Variants in EXT2 observed in about 807,000 individuals in gnomAD.
EXT2 encodes exostosin glycosyltransferase 2.
Under a neutral mutation model 81.6 loss-of-function variants are expected in EXT2, and 53 were observed. The ratio of observed to expected loss-of-function variants is 0.65; its 90% CI spans 0.52 to 0.82. The LOEUF is 0.82. Among genes scored for constraint, EXT2 ranks in the 40% least tolerant of loss-of-function variants. The probability of loss-of-function intolerance (pLI) is 0.00; values close to 1 mark genes in which losing one functional copy is unlikely to be tolerated. For synonymous variants in EXT2, 320 were observed against 340.0 expected (o/e 0.94, Z 0.65); for missense variants, 774 against 910.2 (o/e 0.85, Z 1.93).
In EXT2 at chr11:44,247,459, C is replaced by G. The variant is rs1361464354; in HGVS notation, c.*3172C>G. On this transcript the variant is annotated 3_prime_UTR_variant, in exon 14 of 14. Coordinates refer to ENST00000533608, the MANE Select transcript of EXT2 (RefSeq NM_207122.2). ...TAGAGGCAGGGTTTCACCACGTTAG[C>G]CAGGCTGGTCTCGAACTCCTGACCT... Among the ~76,000 whole-genome samples, 4 of 152,094 alleles carry G rather than the reference C, an allele frequency of 2.6e-5. No homozygotes were observed. Among genetic ancestry groups the G allele is most frequent in the Non-Finnish European group, 2.9e-5 (2 of 68,010 alleles).
intron 7 of EXT2, among the ~76,000 whole-genome samples, chr11:44,161,681 CT>C (rs1368317368): frequency 3.3e-5 from 5 of 152,142 alleles, no homozygotes; most frequent in Admixed American, 2.0e-4. Flanking sequence ...GGAGCATAGA[CT>C]ATGGGATGGG....
At chr11:44,209,483 G>A (rs951664626) in intron 10 of EXT2, among the ~76,000 whole-genome samples, 1 of 152,170 alleles carries the variant, frequency 6.6e-6, no homozygotes, top group African/African-American at 2.4e-5. Flanking sequence ...TTGAAGAAGG[G>A]ACTCAGTTTA....
rs1408989929 is a variant in EXT2 at position 44,244,478 on chromosome 11, G to A, written c.*191G>A. On this transcript the variant is annotated 3_prime_UTR_variant, in exon 14 of 14. Coordinates refer to ENST00000533608, the MANE Select transcript of EXT2 (RefSeq NM_207122.2). Reference sequence around the variant, plus strand: ...TGAATATCCAAGCACCTCGAGCTATGCAACCTCTGTTCTTGTATTTCTTAT... The same window carrying A: ...TGAATATCCAAGCACCTCGAGCTATACAACCTCTGTTCTTGTATTTCTTAT... 15 of 608,342 alleles carry A rather than the reference G, an allele frequency of 2.5e-5. No homozygotes were observed. Among genetic ancestry groups the A allele is most frequent in the Admixed American group, 1.6e-4 (6 of 36,798 alleles). 37.7% of individuals were successfully genotyped at this position (608,342 alleles called of 1,614,324 possible).
intron 13 of EXT2, 120 bp from the exon 14 acceptor site, chr11:44,244,029 G>A: frequency 1.1e-6 from 1 of 936,270 alleles, no homozygotes; most frequent in South Asian, 1.3e-5. Flanking sequence ...TGTTGATGTT[G>A]AACATTATGT....
At chr11:44,206,569 T>A (rs935858692) in intron 9 of EXT2, among the ~76,000 whole-genome samples, 2 of 152,116 alleles carry the variant, frequency 1.3e-5, no homozygotes, top group Admixed American at 1.3e-4. Flanking sequence ...GTATATAGTA[T>A]GTGTGTATAT....
At chr11:44,175,699 A>G (rs1409683790) in intron 8 of EXT2, among the ~76,000 whole-genome samples, 2 of 152,142 alleles carry the variant, frequency 1.3e-5, no homozygotes, top group Non-Finnish European at 2.9e-5. Flanking sequence ...TAAGCACCTT[A>G]AGGTCATTTC....
At chr11:44,170,559 C>CTCTA (rs1261686579) in intron 7 of EXT2, among the ~76,000 whole-genome samples, 1 of 151,988 alleles carries the variant, frequency 6.6e-6, no homozygotes, top group Non-Finnish European at 1.5e-5. Context: ...ATTGATAAAG[C>CTCTA]TCTACTAAGA....
intron 13 of EXT2, among the ~76,000 whole-genome samples, chr11:44,237,564 T>A (rs1344995795): frequency 6.6e-6 from 1 of 152,134 alleles, no homozygotes; most frequent in Non-Finnish European, 1.5e-5. Flanking sequence ...TATTTAAACC[T>A]ACCCCATTGT....
rs2135284606 is a variant in EXT2, at chr11:44,244,371, T to A, written c.*84T>A. ...TCCCAGCACTCTGATGTCAGAGTAG[T>A]AGGTTAAGGGTGGAAGGTTGACCTA... On this transcript the variant is annotated 3_prime_UTR_variant, in exon 14 of 14. Transcript: ENST00000533608. The A allele has an allele frequency of 6.7e-7, 1 of 1,502,380 alleles. No individual in the cohort carries two copies. Among genetic ancestry groups the A allele is most frequent in the Non-Finnish European group, 9.3e-7 (1 of 1,080,258 alleles). 93.1% of individuals were successfully genotyped at this position (1,502,380 alleles called of 1,614,324 possible).
At chr11:44,218,274 A>G (rs989344195) in intron 10 of EXT2, among the ~76,000 whole-genome samples, 2 of 152,186 alleles carry the variant, frequency 1.3e-5, no homozygotes, top group Non-Finnish European at 2.9e-5. Context: ...TTCCTGATGC[A>G]GGAAGCACCA....
intron 7 of EXT2, among the ~76,000 whole-genome samples, chr11:44,149,488 T>C (rs1339185031): frequency 1.3e-5 from 2 of 152,218 alleles, no homozygotes; most frequent in African/African-American, 4.8e-5. Context: ...GAATCAACCA[T>C]GTAATCCAAT....
Position 44,220,933 on chromosome 11 carries a change from A to G in EXT2, c.1663-11420A>G, listed in dbSNP as rs1186343261. ...AACAAATGTTAAGGGAAGGAAATCA[A>G]ATATGTTTGCTGAACATTGAAATAA... is the stretch of plus-strand genomic sequence containing the variant. On this transcript the variant is annotated intron_variant, in intron 10 of 13. Transcript: ENST00000533608. This position sits in a 1 kb window ranked among gnomAD's most constrained non-coding sequence, Gnocchi z 4.4. Among the ~76,000 whole-genome samples the G allele has an allele frequency of 6.6e-6, 1 of 152,228 alleles. No individual in the cohort carries two copies. The highest frequency in any genetic ancestry group is 1.5e-5 in the Non-Finnish European group (1 of 68,042).
chr11:44,181,550 C>T (rs1234245686), intron 8 of EXT2, among the ~76,000 whole-genome samples: 1 of 152,048 alleles, frequency 6.6e-6, no homozygotes, highest in African/African-American at 2.4e-5. Flanking sequence ...ATCTTTCGGT[C>T]TTCTTCTAAT....
chr11:44,214,254 A>T (rs554316803), intron 10 of EXT2, among the ~76,000 whole-genome samples: 1 of 152,002 alleles, frequency 6.6e-6, no homozygotes. Context: ...AGCTGGGACT[A>T]CAGGCGCCCA....
At chr11:44,241,293 G>T (rs888231984) in intron 13 of EXT2, among the ~76,000 whole-genome samples, 1 of 152,182 alleles carries the variant, frequency 6.6e-6, no homozygotes, top group African/African-American at 2.4e-5. Context: ...AAAGAACATA[G>T]TATTTTGAAT....
In EXT2 at chr11:44,244,306, G is replaced by T; in HGVS notation, c.*19G>T. ...CTTATGAAACGTGTCATTGGTGGAG[G>T]TCTGAATGTGAGGCTGGGACAGAGG... On this transcript the variant is annotated 3_prime_UTR_variant, in exon 14 of 14. Transcript: ENST00000533608. 1 of 1,613,860 alleles carries T rather than the reference G, an allele frequency of 6.2e-7. No individual in the cohort carries two copies. Among genetic ancestry groups the T allele is most frequent in the Non-Finnish European group, 8.5e-7 (1 of 1,179,794 alleles).
chr11:44,199,386 T>C (rs1245126478), intron 9 of EXT2, among the ~76,000 whole-genome samples: 1 of 152,264 alleles, frequency 6.6e-6, no homozygotes, highest in Non-Finnish European at 1.5e-5. Flanking sequence ...TTGGATGGTA[T>C]TGCATTGCTA....
chr11:44,232,290 A>T (rs1243141165), intron 10 of EXT2, 63 bp from the exon 11 acceptor site: 1 of 1,608,442 alleles, frequency 6.2e-7, no homozygotes, highest in Non-Finnish European at 8.5e-7. Context: ...TGTTTGGATA[A>T]CTCAGCACTG....
At position 44,249,861 on chromosome 11, in the gene EXT2, G is replaced by A. The variant is rs370913430; in HGVS notation, c.*5574G>A. Among the ~76,000 whole-genome samples, 2 of 152,180 alleles carry A rather than the reference G, an allele frequency of 1.3e-5. No individual in the cohort carries two copies. The highest frequency in any genetic ancestry group is 2.4e-5 in the African/African-American group (1 of 41,438). On this transcript the variant is annotated 3_prime_UTR_variant, in exon 14 of 14. Transcript: ENST00000533608. ...CAAAGCGGGCAGATCATGAGGTCAC[G>A]AGATCGAGACCCTCCTGGCTAACAC... is the stretch of plus-strand genomic sequence containing the variant.
Sources: allele counts gnomAD v4.1 joint callset (sites outside exome capture counted in the v4.1 genomes callset), GRCh38; gene constraint gnomAD v4.1.1; non-coding constraint Gnocchi (gnomAD v3.1); transcripts MANE v1.5; gene names NCBI Gene and HGNC (gene_info 2026-07-23, HGNC 2026-07-21).